The following NME7 variants were observed in gnomAD, a reference collection of about 807,000 sequenced individuals.
The protein encoded by NME7 is nucleoside diphosphate kinase 7.
NME7 carries 41 observed loss-of-function variants against 49.1 expected under a neutral mutation model. That is an observed-to-expected ratio of 0.83 (90% CI 0.65 to 1.08). NME7 has a LOEUF of 1.08. Among genes scored for constraint, NME7 ranks in the 50% least tolerant of loss-of-function variants. The pLI is 0.00. For synonymous variants in NME7, 139 were observed against 150.6 expected (o/e 0.92, Z 0.56); for missense variants, 423 against 463.4 (o/e 0.91, Z 0.80).
At chr1:169,290,285 T>C (rs969861873) in intron 6 of NME7, among the ~76,000 whole-genome samples, 2 of 152,014 alleles carry the variant, frequency 1.3e-5, no homozygotes, top group Non-Finnish European at 2.9e-5. Context: ...TTAAAATGAA[T>C]ATCATTTCTG....
chr1:169,250,388 CTTTG>C (rs1458375698), intron 7 of NME7, among the ~76,000 whole-genome samples: 2 of 151,944 alleles, frequency 1.3e-5, no homozygotes, highest in African/African-American at 4.8e-5. Flanking sequence ...GGTCTATCAA[CTTTG>C]TTTATCTTTT....
At chr1:169,181,402 T>C (rs199928362) in intron 10 of NME7, among the ~76,000 whole-genome samples, 2,213 of 138,588 alleles carry the variant, frequency 0.016, 46 homozygotes, top group African/African-American at 0.051. Flanking sequence ...CACACACACA[T>C]ATATACACAC....
intron 11 of NME7, among the ~76,000 whole-genome samples, chr1:169,157,425 C>A (rs1659110121): frequency 6.6e-6 from 1 of 152,176 alleles, no homozygotes; most frequent in Non-Finnish European, 1.5e-5. Flanking sequence ...ATTTGATGAA[C>A]CTGCAGATAA....
chr1:169,324,029 A>G (rs1651959019), intron 2 of NME7, among the ~76,000 whole-genome samples: 1 of 151,314 alleles, frequency 6.6e-6, no homozygotes, highest in South Asian at 2.1e-4. Flanking sequence ...AATTTTTTGT[A>G]TCTTTAGTAG....
At chr1:169,146,510 C>T (rs1421749370) in intron 11 of NME7, among the ~76,000 whole-genome samples, 1 of 152,178 alleles carries the variant, frequency 6.6e-6, no homozygotes, top group Non-Finnish European at 1.5e-5. Context: ...CATACATATT[C>T]TTTAAATCCC....
rs998137396 is a variant in NME7, at chr1:169,147,473, T to A, written c.1099-14656A>T. Among the ~76,000 whole-genome samples, 12 of 152,328 alleles carry A rather than the reference T, an allele frequency of 7.9e-5. No individual in the cohort carries two copies. In the South Asian group the frequency reaches 1.0e-3, roughly 13 times the overall value. ...TTCTAGCTGTGTGGCCCTGGGGAAG[T>A]TGCTTAACTCTTCTATGTTTCAGTT... On this transcript the variant is annotated intron_variant, in intron 11 of 11. Transcript: ENST00000367811.
chr1:169,220,468 G>C (rs908738254), intron 10 of NME7, among the ~76,000 whole-genome samples: 1 of 151,996 alleles, frequency 6.6e-6, no homozygotes, highest in African/African-American at 2.4e-5. Flanking sequence ...GGCCAAATTG[G>C]GAACGGTGTT....
At chr1:169,152,203 T>C (rs1443994539) in intron 11 of NME7, among the ~76,000 whole-genome samples, 1 of 151,186 alleles carries the variant, frequency 6.6e-6, no homozygotes, top group Non-Finnish European at 1.5e-5. Context: ...AAGTTAAGTA[T>C]AGAATGGTAA....
At position 169,159,336 on chromosome 1, in the gene NME7, G is replaced by A. The variant is rs563061322; in HGVS notation, c.1098+10111C>T. Among the ~76,000 whole-genome samples, 179 of 152,206 alleles carry A rather than the reference G, an allele frequency of 1.2e-3. 2 individuals are homozygous for A. The highest frequency in any genetic ancestry group is 4.2e-3 in the African/African-American group (174 of 41,534). On this transcript the variant is annotated intron_variant, in intron 11 of 11. Coordinates refer to ENST00000367811, the MANE Select transcript of NME7 (RefSeq NM_013330.5). Reference sequence around the variant, plus strand: ...GAGACTGGGTGACTGATGGTATTACGGAGTTGCCATACCAGTCCCACATGC... The same window carrying A: ...GAGACTGGGTGACTGATGGTATTACAGAGTTGCCATACCAGTCCCACATGC...
intron 7 of NME7, among the ~76,000 whole-genome samples, chr1:169,238,593 A>G (rs1053400069): frequency 6.6e-6 from 1 of 151,672 alleles, no homozygotes; most frequent in African/African-American, 2.4e-5. Flanking sequence ...GTGCATTCGT[A>G]TTTACTATCT....
intron 10 of NME7, among the ~76,000 whole-genome samples, chr1:169,173,297 T>C (rs1383922753): frequency 6.6e-6 from 1 of 152,186 alleles, no homozygotes; most frequent in Non-Finnish European, 1.5e-5. Context: ...TATATTATCT[T>C]TAAATAAATA....
chr1:169,355,082 A>C (rs865804341), intron 1 of NME7, among the ~76,000 whole-genome samples: 1 of 62,090 alleles, frequency 1.6e-5, no homozygotes, highest in Non-Finnish European at 2.8e-5. Context: ...GATATAATAT[A>C]TAATATACTA....
At chr1:169,284,707 A>C (rs1247154611) in intron 7 of NME7, 1 of 152,100 alleles carries the variant, frequency 6.6e-6, no homozygotes, top group Non-Finnish European at 1.5e-5. Context: ...TAGGGTTTTT[A>C]TAGTTTTGGG....
intron 6 of NME7, among the ~76,000 whole-genome samples, chr1:169,289,195 T>G (rs556158332): frequency 6.6e-6 from 1 of 152,228 alleles, no homozygotes; most frequent in African/African-American, 2.4e-5. Context: ...TGACACAGTT[T>G]GTCACATCCT....
chr1:169,303,720 G>A (rs1276778666), intron 4 of NME7, among the ~76,000 whole-genome samples: 1 of 151,976 alleles, frequency 6.6e-6, no homozygotes, highest in Non-Finnish European at 1.5e-5. Flanking sequence ...TCAAAGTGCT[G>A]GGATTACAGG....
rs114099934 is a variant in NME7, at chr1:169,209,606, A to T, written c.990+21112T>A. On this transcript the variant is annotated intron_variant, in intron 10 of 11. Transcript: ENST00000367811. ...AGTCCGATTTCCTTTATTTTCCTCC[A>T]ACAAATTTTCCACATCATAGCCACA... 1.9e-3 allele frequency among the ~76,000 whole-genome samples: 292 copies of T among 152,234 alleles called. 4 individuals carry two copies. Among genetic ancestry groups the T allele is most frequent in the African/African-American group, 6.8e-3 (283 of 41,558 alleles).
intron 7 of NME7, among the ~76,000 whole-genome samples, chr1:169,246,456 A>G (rs1648319299): frequency 6.6e-6 from 1 of 152,226 alleles, no homozygotes; most frequent in African/African-American, 2.4e-5. Context: ...AGCTTTTAAA[A>G]GACAGATTTA....
intron 10 of NME7, among the ~76,000 whole-genome samples, chr1:169,213,809 T>C (rs10800416): frequency 2.0e-5 from 3 of 150,076 alleles, no homozygotes; most frequent in Non-Finnish European, 3.0e-5. Context: ...GGAAAAAATA[T>C]AAAAATAAAA....
At chr1:169,302,258 A>G (rs1346411280) in intron 5 of NME7, 3 of 152,162 alleles carry the variant, frequency 2.0e-5, no homozygotes, top group Non-Finnish European at 4.4e-5. Context: ...TTACTGCTAT[A>G]TATCCAAAAG....
Sources: gnomAD v4.1 joint callset for allele counts (sites outside exome capture counted in the v4.1 genomes callset) on GRCh38, gnomAD v4.1.1 for gene constraint, MANE v1.5 for transcripts, NCBI Gene and HGNC (gene_info 2026-07-23, HGNC 2026-07-21) for gene names.